The following RPRD2 variants were observed in gnomAD, a reference collection of about 807,000 sequenced individuals.
RPRD2 encodes regulation of nuclear pre-mRNA domain containing 2.
Under a neutral mutation model 104.4 loss-of-function variants are expected in RPRD2, and 12 were observed. That is an observed-to-expected ratio of 0.11 (90% CI 0.07 to 0.19). The LOEUF (loss-of-function observed/expected upper bound fraction) is 0.19. RPRD2 is among the 10% of genes least tolerant of loss of function. RPRD2 has a pLI of 1.00. For missense variants in RPRD2, 1,543 were observed against 1,790.1 expected, an observed-to-expected ratio of 0.86 and a Z score of 2.49; for synonymous variants, 714 against 684.9, an observed-to-expected ratio of 1.04 and a Z score of -0.66.
At chr1:150,423,652 A>G (rs1051598990) in intron 2 of RPRD2, among the ~76,000 whole-genome samples, 3 of 152,172 alleles carry the variant, frequency 2.0e-5, no homozygotes, top group South Asian at 4.1e-4. Context: ...AAAATTTGAA[A>G]TGCAAAATGC....
chr1:150,447,780 GTA>G (rs1666885317), intron 7 of RPRD2, among the ~76,000 whole-genome samples: 1 of 152,158 alleles, frequency 6.6e-6, no homozygotes, highest in African/African-American at 2.4e-5. Context: ...ATATGGTACT[GTA>G]GGTCCCACCA....
At chr1:150,373,436 A>G (rs1250667958) in intron 1 of RPRD2, among the ~76,000 whole-genome samples, 1 of 151,984 alleles carries the variant, frequency 6.6e-6, no homozygotes, top group Admixed American at 6.6e-5. Flanking sequence ...GGAAGTGATA[A>G]GTAATTTAAT....
chr1:150,387,996 A>G (rs1285542520), intron 1 of RPRD2, among the ~76,000 whole-genome samples: 3 of 142,390 alleles, frequency 2.1e-5, no homozygotes, highest in African/African-American at 8.1e-5. Context: ...AGCTCAATGT[A>G]ACCTCTGCCT....
At chr1:150,398,342 G>T (rs587705330) in intron 1 of RPRD2, among the ~76,000 whole-genome samples, 3,029 of 151,762 alleles carry the variant, frequency 0.02, 129 homozygotes, top group African/African-American at 0.07. Flanking sequence ...GACTACAGGT[G>T]CCTGCCACCA....
rs147404691 is a variant in RPRD2, at chr1:150,455,489, G to A, written c.871-1799G>A. Among the ~76,000 whole-genome samples the A allele has an allele frequency of 1.6e-4, 24 of 151,174 alleles. No individual in the cohort carries two copies. In the East Asian group the frequency reaches 4.1e-3, roughly 26 times the overall value. On this transcript the variant is annotated intron_variant, in intron 7 of 10. Coordinates refer to ENST00000369068, the MANE Select transcript of RPRD2 (RefSeq NM_015203.5). ...TGCACTCCAGCCTGGGCGACACAGC[G>A]AGACTCCATCTCAAAAAAAAAAAGA...
intron 1 of RPRD2, among the ~76,000 whole-genome samples, chr1:150,404,679 C>T (rs1005203725): frequency 1.8e-4 from 27 of 152,122 alleles, no homozygotes; most frequent in Admixed American, 1.7e-3. Context: ...AAACTTCAAA[C>T]TTTGAACTCT....
At chr1:150,424,829 C>G (rs2102299982) in intron 2 of RPRD2, among the ~76,000 whole-genome samples, 1 of 152,172 alleles carries the variant, frequency 6.6e-6, no homozygotes, top group East Asian at 1.9e-4. Context: ...AGTCATTTAC[C>G]AGGGACTGAT....
intron 1 of RPRD2, among the ~76,000 whole-genome samples, chr1:150,417,320 G>A (rs587718493): frequency 3.3e-5 from 5 of 152,098 alleles, no homozygotes; most frequent in Admixed American, 2.0e-4. Flanking sequence ...GAAACTTAAC[G>A]TGAAGTAGTC....
intron 1 of RPRD2, among the ~76,000 whole-genome samples, chr1:150,380,270 G>T (rs1478247877): frequency 1.3e-5 from 2 of 152,150 alleles, no homozygotes; most frequent in Admixed American, 1.3e-4. Flanking sequence ...TGAAAAATTT[G>T]CTTTGATGTC....
At chr1:150,457,242 C>T (rs1667596780) in intron 7 of RPRD2, 46 bp from the exon 8 acceptor site, 2 of 1,566,470 alleles carry the variant, frequency 1.3e-6, no homozygotes, top group Non-Finnish European at 1.7e-6. Context: ...AAAATGTTAA[C>T]TTTCTGGTCT....
intron 1 of RPRD2, among the ~76,000 whole-genome samples, chr1:150,376,733 C>T (rs992452933): frequency 2.3e-4 from 35 of 151,702 alleles, no homozygotes; most frequent in Middle Eastern, 6.8e-3. Context: ...ATCTCCTGAC[C>T]TCGTGATCCG....
intron 1 of RPRD2, among the ~76,000 whole-genome samples, chr1:150,370,376 A>G (rs1553878125): frequency 6.6e-6 from 1 of 152,150 alleles, no homozygotes; most frequent in Non-Finnish European, 1.5e-5. Context: ...GTACCTGTAG[A>G]TGAAAGTTCT....
At chr1:150,464,487 T>G (rs781811617) in intron 9 of RPRD2, 40 bp from the exon 10 acceptor site, 19 of 1,517,132 alleles carry the variant, frequency 1.3e-5, no homozygotes, top group Non-Finnish European at 1.4e-5. Flanking sequence ...TTGAAGTCAT[T>G]TTGAATTGCA....
rs1331991474 is a variant in RPRD2 at position 150,446,174 on chromosome 1, TTTTTTTA to T, written c.695-40_695-34del. ...TTTCTTCAAAAGTCAAAAGACTAAA[TTTTTTTA>T]TTTTTTATTTTATCCTGAAATGAAT... On this transcript the variant is annotated intron_variant, in intron 6 of 10. Coordinates refer to ENST00000369068, the MANE Select transcript of RPRD2 (RefSeq NM_015203.5). 2.2e-6 allele frequency: 3 copies of T among 1,348,800 alleles called. No individual in the cohort carries two copies. In the African/African-American group the frequency reaches 4.4e-5, roughly 20 times the overall value. The allele number at this position is 1,348,800 out of a possible 1,614,324, so 83.6% of individuals were successfully genotyped here. A position where few individuals can be genotyped will look rare whatever the true frequency, so the allele number is the denominator to read the frequency against.
At chr1:150,392,734 T>C (rs1404299936) in intron 1 of RPRD2, among the ~76,000 whole-genome samples, 3 of 152,000 alleles carry the variant, frequency 2.0e-5, no homozygotes, top group African/African-American at 7.3e-5. Flanking sequence ...TCCCAGTTAC[T>C]GGAAAGGCTG....
chr1:150,364,250 G>A lies in RPRD2; in HGVS notation c.-465G>A, dbSNP rs2102055756. The stretch of plus-strand genomic sequence containing the variant: ...GAGTCTAAAGGAAAGAAAGATTTCT[G>A]CAACTGAAGGGGCAGTCGGGTAGTA... On this transcript the variant is annotated 5_prime_UTR_variant, in exon 1 of 11. Transcript: ENST00000369068. Among the ~76,000 whole-genome samples the A allele has an allele frequency of 6.6e-6, 1 of 152,310 alleles. No homozygotes were observed. Among genetic ancestry groups the A allele is most frequent in the Admixed American group, 6.5e-5 (1 of 15,300 alleles).
intron 1 of RPRD2, among the ~76,000 whole-genome samples, chr1:150,388,419 TATATATAC>T (rs1347395932): frequency 5.4e-4 from 81 of 148,666 alleles, no homozygotes; most frequent in Middle Eastern, 3.5e-3. Flanking sequence ...TACACATGTA[TATATATAC>T]ATATATACAT....
chr1:150,456,532 C>A (rs1397176549), intron 7 of RPRD2, among the ~76,000 whole-genome samples: 7 of 151,746 alleles, frequency 4.6e-5, no homozygotes, highest in Admixed American at 4.0e-4. Context: ...TTTTGGGAGG[C>A]TGAGGTGGGA....
intron 1 of RPRD2, among the ~76,000 whole-genome samples, chr1:150,410,084 C>T (rs147404206): frequency 1.3e-4 from 20 of 152,126 alleles, no homozygotes; most frequent in African/African-American, 4.8e-4. Context: ...CTTAACAGAC[C>T]GTGAAGCAAG....
Sources: allele counts gnomAD v4.1 joint callset (sites outside exome capture counted in the v4.1 genomes callset), GRCh38; gene constraint gnomAD v4.1.1; transcripts MANE v1.5; gene names NCBI Gene and HGNC (gene_info 2026-07-23, HGNC 2026-07-21).